Variants in FYTTD1 observed in about 807,000 individuals in gnomAD.
The protein encoded by FYTTD1 is UAP56-interacting factor.
Under a neutral mutation model 40.9 loss-of-function variants are expected in FYTTD1, and 22 were observed. The ratio of observed to expected loss-of-function variants is 0.54; its 90% CI spans 0.38 to 0.77. The LOEUF (loss-of-function observed/expected upper bound fraction) is 0.77. Among genes scored for constraint, FYTTD1 ranks in the 30% least tolerant of loss-of-function variants. The pLI, the probability that FYTTD1 is intolerant of heterozygous loss-of-function variation, is 0.00. For missense variants in FYTTD1, 351 were observed against 392.2 expected (o/e 0.90, Z 0.89); for synonymous variants, 140 against 137.9 (o/e 1.01, Z -0.10).
rs1363615266 is a variant in FYTTD1, at chr3:197,770,345, G to A, written c.497+101G>A. 7 of 725,642 alleles carry A rather than the reference G, an allele frequency of 9.6e-6. No homozygotes were observed. The East Asian group carries it at 1.6e-4, about 17-fold the overall frequency. 45.0% of individuals were successfully genotyped at this position (725,642 alleles called of 1,614,324 possible). On this transcript the variant is annotated intron_variant, in intron 4 of 8. Coordinates refer to ENST00000241502, the MANE Select transcript of FYTTD1 (RefSeq NM_032288.7). ...TTGCAGTGATTTTTTTAGTTATCTG[G>A]TCATTTTCAAGACAGATATTTGGGA...
intron 2 of FYTTD1, among the ~76,000 whole-genome samples, chr3:197,765,928 G>A (rs1241975416): frequency 6.6e-6 from 1 of 151,064 alleles, no homozygotes. Context: ...CCTGGGAGGC[G>A]GAGGTTGCAT....
At chr3:197,773,573 T>TTA in intron 5 of FYTTD1, 74 bp downstream of exon 5, 1 of 827,332 alleles carries the variant, frequency 1.2e-6, no homozygotes. Context: ...GCAGCCACCT[T>TTA]TAGTAAGCCT....
chr3:197,761,766 A>G (rs911695264), intron 2 of FYTTD1, among the ~76,000 whole-genome samples: 39 of 152,238 alleles, frequency 2.6e-4, no homozygotes, highest in African/African-American at 9.4e-4. Flanking sequence ...TCTCTCAGGA[A>G]TGTACAGTAG....
chr3:197,750,539 C>A, intron 1 of FYTTD1: 1 of 985,072 alleles, frequency 1.0e-6, no homozygotes, highest in Non-Finnish European at 1.2e-6. Flanking sequence ...GCCGGGGCTG[C>A]GGTCGGTTAA....
intron 4 of FYTTD1, among the ~76,000 whole-genome samples, chr3:197,770,954 A>G (rs1327810438): frequency 1.3e-5 from 2 of 152,250 alleles, no homozygotes; most frequent in Non-Finnish European, 2.9e-5. Context: ...ACTGAATCAC[A>G]ATGTATGTTA....
chr3:197,765,599 C>G (rs565271284), intron 2 of FYTTD1, among the ~76,000 whole-genome samples: 1 of 152,272 alleles, frequency 6.6e-6, no homozygotes, highest in South Asian at 2.1e-4. Context: ...TGGTGGCTCA[C>G]GCCTGTAACC....
At chr3:197,763,443 A>T (rs1308886091) in intron 2 of FYTTD1, 1 of 377,644 alleles carries the variant, frequency 2.6e-6, no homozygotes, top group Non-Finnish European at 5.1e-6. Flanking sequence ...TTTTATTTTA[A>T]TTGCAGTAAA....
In FYTTD1 at chr3:197,785,314, T is replaced by C. The variant is rs1730130590; in HGVS notation, c.*3405T>C. 6.6e-6 allele frequency: 1 copy of C among 152,214 alleles called. No individual in the cohort carries two copies. Among genetic ancestry groups the C allele is most frequent in the South Asian group, 2.1e-4 (1 of 4,832 alleles). 9.4% of individuals were successfully genotyped at this position (152,214 alleles called of 1,614,324 possible). ...GCAATACTGAAGTCCCACATCTGTGTAAACGAAAAGTTGGCCCACTGTGTA... is the reference window on the plus strand; with the variant it reads ...GCAATACTGAAGTCCCACATCTGTGCAAACGAAAAGTTGGCCCACTGTGTA... On this transcript the variant is annotated 3_prime_UTR_variant, in exon 9 of 9. Transcript: ENST00000241502.
At chr3:197,760,569 T>C (rs889132041) in intron 2 of FYTTD1, among the ~76,000 whole-genome samples, 1 of 152,056 alleles carries the variant, frequency 6.6e-6, no homozygotes, top group African/African-American at 2.4e-5. Flanking sequence ...AGAGTGTTTT[T>C]CAATGGTAGA....
In FYTTD1 at chr3:197,778,471, A is replaced by T; in HGVS notation, c.858+7A>T. 6.3e-7 allele frequency: 1 copy of T among 1,587,604 alleles called. No homozygotes were observed. On this transcript the variant is annotated splice_region_variant and intron_variant, in intron 8 of 8. Transcript: ENST00000241502. The stretch of plus-strand genomic sequence containing the variant: ...AAACAGTGTCGGAAAACAGGTAAAA[A>T]AACGTTTTCTGTATTTTCTTGGGTC...
chr3:197,764,849 CTTT>C (rs974106480), intron 2 of FYTTD1, among the ~76,000 whole-genome samples: 1 of 144,146 alleles, frequency 6.9e-6, no homozygotes, highest in Non-Finnish European at 1.5e-5. Flanking sequence ...CTATTCCATA[CTTT>C]TTTTTTTTGG....
rs554540419 is a variant in FYTTD1, at chr3:197,764,854, T to C, written c.236-3585T>C. Among the ~76,000 whole-genome samples the C allele has an allele frequency of 2.7e-5, 4 of 150,702 alleles. No individual in the cohort carries two copies. The East Asian group carries it at 7.7e-4, about 29-fold the overall frequency. Reference sequence around the variant, plus strand: ...GGATGGAGTTCTATTCCATACTTTTTTTTTTTGGGGGGGGAGGATGGAGTC... The same window carrying C: ...GGATGGAGTTCTATTCCATACTTTTCTTTTTTGGGGGGGGAGGATGGAGTC... On this transcript the variant is annotated intron_variant, in intron 2 of 8. Coordinates refer to ENST00000241502, the MANE Select transcript of FYTTD1 (RefSeq NM_032288.7).
At chr3:197,781,427 CAG>C (rs1263846282) in intron 8 of FYTTD1, among the ~76,000 whole-genome samples, 2 of 148,638 alleles carry the variant, frequency 1.3e-5, no homozygotes, top group Non-Finnish European at 3.0e-5. Flanking sequence ...AAAAAAAAAA[CAG>C]ATTTTCATTT....
intron 2 of FYTTD1, among the ~76,000 whole-genome samples, chr3:197,761,768 G>C (rs537926308): frequency 5.3e-5 from 8 of 152,336 alleles, no homozygotes; most frequent in African/African-American, 1.7e-4. Flanking sequence ...TCTCAGGAAT[G>C]TACAGTAGCC....
chr3:197,758,764 A>G (rs1251472543), intron 2 of FYTTD1, among the ~76,000 whole-genome samples: 1 of 152,182 alleles, frequency 6.6e-6, no homozygotes, highest in Non-Finnish European at 1.5e-5. Context: ...GAGATAGAGG[A>G]TTGTCTTAAA....
chr3:197,753,901 G>A (rs1729139074), intron 1 of FYTTD1, among the ~76,000 whole-genome samples: 1 of 151,770 alleles, frequency 6.6e-6, no homozygotes, highest in Middle Eastern at 3.2e-3. Context: ...CGCCACACCC[G>A]GCTAATTTTT....
At chr3:197,766,457 G>GTGTGTGTT (rs1177062233) in intron 2 of FYTTD1, among the ~76,000 whole-genome samples, 2 of 151,388 alleles carry the variant, frequency 1.3e-5, no homozygotes. Context: ...GTGTGTGTGT[G>GTGTGTGTT]TGTTTGAGAC....
intron 6 of FYTTD1, among the ~76,000 whole-genome samples, chr3:197,776,459 A>G (rs928782229): frequency 6.3e-5 from 9 of 142,006 alleles, no homozygotes; most frequent in Non-Finnish European, 1.3e-4. Context: ...TCCTGACCTC[A>G]TGATCCACCT....
chr3:197,753,670 A>G, intron 1 of FYTTD1, among the ~76,000 whole-genome samples: 1 of 152,116 alleles, frequency 6.6e-6, no homozygotes, highest in Non-Finnish European at 1.5e-5. Flanking sequence ...TAAAATGTTG[A>G]AATGTGAAAT....
Sources: gnomAD v4.1 joint callset for allele counts (sites outside exome capture counted in the v4.1 genomes callset) on GRCh38, gnomAD v4.1.1 for gene constraint, MANE v1.5 for transcripts, NCBI Gene and HGNC (gene_info 2026-07-23, HGNC 2026-07-21) for gene names.